The following SDF4 variants were observed in gnomAD, a reference collection of about 807,000 sequenced individuals.
SDF4 encodes the protein 45 kDa calcium-binding protein.
A neutral mutation model predicts 34.2 loss-of-function variants in SDF4; 22 were observed. That is an observed-to-expected ratio of 0.64 (90% CI 0.46 to 0.92). SDF4 has a LOEUF of 0.92. Ranked by LOEUF, SDF4 falls within the 40% of genes least tolerant of loss-of-function variation. The pLI is 0.00. For synonymous variants in SDF4, 236 were observed against 203.1 expected (o/e 1.16, Z -1.38); for missense variants, 447 against 499.9 (o/e 0.89, Z 1.01).
Position 1,223,833 on chromosome 1 carries a change from G to T in SDF4, c.441C>A (p.Asp147Glu). Reference sequence around the variant, plus strand: ...CCCACCCCGGCCCAGCCACAGTACCGTCCCCGTCAGGGTCCACGGCGCGGA... The same window carrying T: ...CCCACCCCGGCCCAGCCACAGTACCTTCCCCGTCAGGGTCCACGGCGCGGA... ...THFRAVDPDG[D>E]GHVSWDEYKV... Residue 147 changes from aspartate to glutamate, a missense_variant and splice_region_variant, in exon 3 of 7, where the codon GAC becomes GAA. Transcript: ENST00000360001. The T allele has an allele frequency of 9.4e-7, 1 of 1,060,762 alleles. No homozygotes were observed. The highest frequency in any genetic ancestry group is 1.3e-6 in the Non-Finnish European group (1 of 797,534). The allele number at this position is 1,060,762 out of a possible 1,614,324, so 65.7% of individuals were successfully genotyped here.
chr1:1,226,198 G>A (rs1440488015), intron 2 of SDF4, among the ~76,000 whole-genome samples: 1 of 152,242 alleles, frequency 6.6e-6, no homozygotes, highest in Non-Finnish European at 1.5e-5. Context: ...GGCGAGCCCA[G>A]AGCATCTCAC....
At chr1:1,225,680 C>T (rs1021472900) in intron 2 of SDF4, among the ~76,000 whole-genome samples, 19 of 152,062 alleles carry the variant, frequency 1.2e-4, no homozygotes, top group African/African-American at 3.9e-4. Context: ...GCTCCGGTCA[C>T]GCTCCACACG....
intron 4 of SDF4, among the ~76,000 whole-genome samples, chr1:1,222,973 G>A (rs1383745936): frequency 6.6e-6 from 1 of 151,780 alleles, no homozygotes; most frequent in Middle Eastern, 3.2e-3. Flanking sequence ...ACGCACACAC[G>A]TACAAGCACA....
At chr1:1,224,405 G>A (rs574631857) in intron 2 of SDF4, among the ~76,000 whole-genome samples, 1 of 152,212 alleles carries the variant, frequency 6.6e-6, no homozygotes, top group East Asian at 1.9e-4. Flanking sequence ...TCAGCCTCCC[G>A]AGTAGCTGGG....
intron 2 of SDF4, among the ~76,000 whole-genome samples, chr1:1,226,663 C>A (rs1360495536): frequency 6.6e-6 from 1 of 152,234 alleles, no homozygotes; most frequent in African/African-American, 2.4e-5. Context: ...GCTGTCGCCG[C>A]TCGGCGCAGG....
rs1638515615 is a variant in SDF4 at position 1,231,958 on chromosome 1, C to T, written c.-241G>A. 1 of 152,204 alleles carries T rather than the reference C, an allele frequency of 6.6e-6. No homozygotes were observed. The highest frequency in any genetic ancestry group is 1.5e-5 in the Non-Finnish European group (1 of 68,038). 9.4% of individuals were successfully genotyped at this position (152,204 alleles called of 1,614,324 possible). A position where few individuals can be genotyped will look rare whatever the true frequency, so the allele number is the denominator to read the frequency against. On this transcript the variant is annotated 5_prime_UTR_variant, in exon 1 of 7. Transcript: ENST00000360001. ...AGCGTCAGTGACGCCGCCAACGGGCCCGGATCAGGCCACTGCCATCTTTCT... is the reference window on the plus strand; with the variant it reads ...AGCGTCAGTGACGCCGCCAACGGGCTCGGATCAGGCCACTGCCATCTTTCT...
intron 4 of SDF4, chr1:1,219,150 A>G (rs1316210959): frequency 1.4e-6 from 2 of 1,427,606 alleles, no homozygotes; most frequent in Non-Finnish European, 1.8e-6. Flanking sequence ...CCTGATCCCC[A>G]AAGGCATAGC....
At chr1:1,226,077 G>C (rs1315291138) in intron 2 of SDF4, among the ~76,000 whole-genome samples, 1 of 152,266 alleles carries the variant, frequency 6.6e-6, no homozygotes, top group Non-Finnish European at 1.5e-5. Context: ...TGGCTCCTGA[G>C]AGAACAAGGG....
intron 4 of SDF4, among the ~76,000 whole-genome samples, chr1:1,222,945 C>A (rs565360709): frequency 3.9e-5 from 6 of 152,262 alleles, no homozygotes; most frequent in Non-Finnish European, 7.4e-5. Flanking sequence ...ACACGCACAG[C>A]GCACTCGTAC....
At chr1:1,223,784 C>CG in intron 3 of SDF4, 48 bp downstream of exon 3, 12 of 623,150 alleles carry the variant, frequency 1.9e-5, no homozygotes, top group Non-Finnish European at 2.9e-5. Context: ...GCCCATGGCC[C>CG]TGCCCGCCCC....
At chr1:1,224,071 T>C (rs934577598) in intron 2 of SDF4, 103 bp from the exon 3 acceptor site, 66 of 1,549,218 alleles carry the variant, frequency 4.3e-5, no homozygotes, top group Non-Finnish European at 5.1e-5. Context: ...TGCGTGAACC[T>C]GCCACCAACA....
chr1:1,225,704 G>A (rs934709083), intron 2 of SDF4, among the ~76,000 whole-genome samples: 5 of 151,302 alleles, frequency 3.3e-5, no homozygotes, highest in Non-Finnish European at 7.4e-5. Context: ...CACAGACACA[G>A]GCCACACGCT....
intron 1 of SDF4, among the ~76,000 whole-genome samples, chr1:1,231,123 G>A (rs1203185064): frequency 7.9e-5 from 12 of 152,214 alleles, no homozygotes; most frequent in Non-Finnish European, 1.5e-4. Flanking sequence ...TAACCCAAAA[G>A]TAACTATAAA....
In SDF4 at chr1:1,217,864, G is replaced by A. The variant is rs1167564324; in HGVS notation, c.892-176C>T. 2.4e-5 allele frequency: 36 copies of A among 1,472,068 alleles called. No individual in the cohort carries two copies. The highest frequency in any genetic ancestry group is 9.6e-5 in the Admixed American group (4 of 41,494). 91.2% of individuals were successfully genotyped at this position (1,472,068 alleles called of 1,614,324 possible). On this transcript the variant is annotated intron_variant, in intron 6 of 6. Coordinates refer to ENST00000360001, the MANE Select transcript of SDF4 (RefSeq NM_016176.6). This position sits in a 1 kb window ranked among gnomAD's most constrained non-coding sequence, Gnocchi z 8.5. ...AAACACAGGGCAGGGAGAAGCCGGGGGCCCCGGAAGGCCTGCCCGGGGCCA... is the reference window on the plus strand; with the variant it reads ...AAACACAGGGCAGGGAGAAGCCGGGAGCCCCGGAAGGCCTGCCCGGGGCCA...
chr1:1,220,439 G>C (rs1557515528), intron 4 of SDF4: 3 of 1,181,644 alleles, frequency 2.5e-6, no homozygotes, highest in Non-Finnish European at 3.2e-6. Flanking sequence ...GGAGGGGTGG[G>C]AGGTCGCAGG....
chr1:1,219,193 G>A, intron 4 of SDF4: 1 of 1,289,434 alleles, frequency 7.8e-7, no homozygotes, highest in East Asian at 3.9e-5. Context: ...GACTCCCCAA[G>A]ACAGCCTGGA....
chr1:1,219,455 A>G (rs1345762800), intron 4 of SDF4: 36 of 1,007,176 alleles, frequency 3.6e-5, no homozygotes, highest in Non-Finnish European at 4.3e-5. Context: ...ATCACCCTGA[A>G]GGCTGACGTG....
In SDF4 at chr1:1,223,853, C is replaced by T. The variant is rs766752243; in HGVS notation, c.421G>A (p.Ala141Thr). 24 of 1,602,072 alleles carry T rather than the reference C, an allele frequency of 1.5e-5. No homozygotes were observed. The highest frequency in any genetic ancestry group is 1.2e-4 in the Admixed American group (7 of 59,750). The change falls in exon 3 of 7, where the codon GCC (alanine) becomes ACC (threonine). Residue 141 changes from alanine (A) to threonine (T), a missense_variant. Physicochemically the swap from Ala to Thr is moderately conservative, Grantham distance 58. Coordinates refer to ENST00000360001, the MANE Select transcript of SDF4 (RefSeq NM_016176.6). Reference sequence around the variant, plus strand: ...GTACCGTCCCCGTCAGGGTCCACGGCGCGGAAGTGTGTCTTGCTCTCCTCC... The same window carrying T: ...GTACCGTCCCCGTCAGGGTCCACGGTGCGGAAGTGTGTCTTGCTCTCCTCC... ...AMEESKTHFR[A>T]VDPDGDGHVS... is the part of the protein sequence containing the mutation.
In SDF4 at chr1:1,218,840, AG is replaced by A; in HGVS notation, c.643del (p.Leu215CysfsTer17). 1 of 1,601,528 alleles carries A rather than the reference AG, an allele frequency of 6.2e-7. No homozygotes were observed. On this transcript the variant is annotated frameshift_variant, in exon 5 of 7. Transcript: ENST00000360001. LOFTEE classifies it high-confidence loss of function. The surrounding 1 kb of genome is among the most constrained non-coding windows in gnomAD (Gnocchi z 7.9). ...ADLLLTEEEF[L>X]SFLHPEHSRG... is the part of the protein sequence containing the mutation. ...GCTGTGCTCGGGGTGGAGGAACGAC[AG>A]GAACTCCTCCTCCGTCAGCAGCAGG...
Sources: gnomAD v4.1 joint callset for allele counts (sites outside exome capture counted in the v4.1 genomes callset) on GRCh38, gnomAD v4.1.1 for gene constraint, Gnocchi (gnomAD v3.1) non-coding constraint, MANE v1.5 for transcripts, NCBI Gene and HGNC (gene_info 2026-07-23, HGNC 2026-07-21) for gene names.